PRKCA: variants seen among roughly 807,000 people sequenced by gnomAD.
PRKCA encodes protein kinase C alpha, also known as protein kinase C alpha type.
In PRKCA, 27 loss-of-function variants were observed where a neutral mutation model predicts 87.0. The observed-to-expected ratio is 0.31, with a 90% CI of 0.23 to 0.43. The LOEUF (loss-of-function observed/expected upper bound fraction) is 0.43, where lower values mean the gene tolerates loss of function less well. Ranked by LOEUF, PRKCA falls within the 20% of genes least tolerant of loss-of-function variation. The pLI, the probability that PRKCA is intolerant of heterozygous loss-of-function variation, is 1.00. For synonymous variants in PRKCA, 329 were observed against 311.1 expected (o/e 1.06, Z -0.61); for missense variants, 518 against 852.3 (o/e 0.61, Z 4.88).
intron 3 of PRKCA, among the ~76,000 whole-genome samples, chr17:66,529,291 G>A (rs757113986): frequency 6.6e-6 from 1 of 152,208 alleles, no homozygotes; most frequent in Non-Finnish European, 1.5e-5. Context: ...CGATTTCCAA[G>A]TTATAAGACG....
chr17:66,563,664 T>C (rs777935027), intron 3 of PRKCA, among the ~76,000 whole-genome samples: 20 of 152,208 alleles, frequency 1.3e-4, no homozygotes, highest in Non-Finnish European at 2.4e-4. Flanking sequence ...CCACAAAATA[T>C]CTCATTCTTT....
intron 3 of PRKCA, among the ~76,000 whole-genome samples, chr17:66,624,447 G>T (rs1336228076): frequency 6.6e-6 from 1 of 152,164 alleles, no homozygotes; most frequent in Non-Finnish European, 1.5e-5. Context: ...TGGGCAGAGG[G>T]TTCTAAATTT....
chr17:66,325,394 G>A (rs954866396), intron 2 of PRKCA, among the ~76,000 whole-genome samples: 1 of 152,150 alleles, frequency 6.6e-6, no homozygotes, highest in African/African-American at 2.4e-5. Flanking sequence ...GTCACGTATT[G>A]CTTTCATGGT....
chr17:66,641,379 A>G lies in PRKCA; in HGVS notation c.313A>G (p.Lys105Glu), dbSNP rs1355069162. Residue 105 changes from lysine (K) to glutamate (E), a missense_variant, in exon 4 of 17, where the codon AAA (lysine) becomes GAA (glutamate). By Grantham distance (56) the Lys-to-Glu change is moderately conservative (BLOSUM62 1). Transcript: ENST00000413366. ...TDDPRSKHKF[K>E]IHTYGSPTFC... ...GGACCCCAGGAGCAAGCACAAGTTC[A>G]AAATCCACACTTACGGAAGCCCCAC... 6.2e-7 allele frequency: 1 copy of G among 1,612,770 alleles called. No individual in the cohort carries two copies. Among genetic ancestry groups the G allele is most frequent in the Non-Finnish European group, 8.5e-7 (1 of 1,179,298 alleles).
At chr17:66,462,723 C>G (rs963221175) in intron 2 of PRKCA, among the ~76,000 whole-genome samples, 4 of 152,100 alleles carry the variant, frequency 2.6e-5, no homozygotes, top group African/African-American at 9.7e-5. Context: ...CACGAACACC[C>G]CTACCTCCCA....
intron 3 of PRKCA, among the ~76,000 whole-genome samples, chr17:66,622,580 G>A (rs1970717466): frequency 6.6e-6 from 1 of 152,192 alleles, no homozygotes; most frequent in Non-Finnish European, 1.5e-5. Context: ...AGATATTAGA[G>A]TAACACTTGT....
chr17:66,430,784 A>G (rs890378393), intron 2 of PRKCA, among the ~76,000 whole-genome samples: 4 of 152,176 alleles, frequency 2.6e-5, no homozygotes, highest in Non-Finnish European at 4.4e-5. Context: ...CTGGGGCACT[A>G]GGAAATGGCC....
In PRKCA at chr17:66,689,188, A is replaced by ATGAATGTT; in HGVS notation, c.918+142_918+149dup. ...ATGATCTTTTTCTTTATTTAAAAAC[A>ATGAATGTT]TGAATGTTGTTCGTTCCCTTTCCTT... On this transcript the variant is annotated intron_variant, in intron 8 of 16. Coordinates refer to ENST00000413366, the MANE Select transcript of PRKCA (RefSeq NM_002737.3). This position sits in a 1 kb window ranked among gnomAD's most constrained non-coding sequence, Gnocchi z 4.1. 2 of 577,892 alleles carry ATGAATGTT rather than the reference A, an allele frequency of 3.5e-6. No individual in the cohort carries two copies. Among genetic ancestry groups the ATGAATGTT allele is most frequent in the Non-Finnish European group, 6.1e-6 (2 of 329,462 alleles). 35.8% of individuals were successfully genotyped at this position (577,892 alleles called of 1,614,324 possible).
intron 13 of PRKCA, among the ~76,000 whole-genome samples, chr17:66,746,246 G>T (rs1316919940): frequency 7.0e-6 from 1 of 142,218 alleles, no homozygotes; most frequent in East Asian, 2.1e-4. Flanking sequence ...TCAACTTCCT[G>T]GGCTCAGGGG....
chr17:66,557,408 C>T lies in PRKCA; in HGVS notation c.288+61125C>T, dbSNP rs369901457. ...ATTTCTTAGACATATCACTCATGATCCCACAGTTGCTCTTTGAATGGGTGC... is the reference window on the plus strand; with the variant it reads ...ATTTCTTAGACATATCACTCATGATTCCACAGTTGCTCTTTGAATGGGTGC... On this transcript the variant is annotated intron_variant, in intron 3 of 16. Coordinates refer to ENST00000413366, the MANE Select transcript of PRKCA (RefSeq NM_002737.3). Among the ~76,000 whole-genome samples the T allele has an allele frequency of 1.8e-4, 27 of 151,808 alleles. No homozygotes were observed. In the East Asian group the frequency reaches 2.7e-3, roughly 15 times the overall value.
chr17:66,325,484 A>G (rs1170237951), intron 2 of PRKCA, among the ~76,000 whole-genome samples: 2 of 152,154 alleles, frequency 1.3e-5, no homozygotes, highest in African/African-American at 4.8e-5. Flanking sequence ...ACAGGAAATA[A>G]CAAAATACTA....
At chr17:66,553,182 G>A (rs185844595) in intron 3 of PRKCA, among the ~76,000 whole-genome samples, 4 of 151,804 alleles carry the variant, frequency 2.6e-5, no homozygotes, top group African/African-American at 7.3e-5. Context: ...GGGTTTTGCC[G>A]TGTTGCCCAG....
At chr17:66,307,714 C>T (rs1022998110) in intron 2 of PRKCA, among the ~76,000 whole-genome samples, 2 of 152,078 alleles carry the variant, frequency 1.3e-5, no homozygotes, top group East Asian at 3.9e-4. Context: ...ATGATTTCCC[C>T]CAGAGCATCT....
chr17:66,777,572 T>A, intron 14 of PRKCA: 11 of 984,984 alleles, frequency 1.1e-5, no homozygotes, highest in Non-Finnish European at 1.3e-5. Context: ...TTCCCCCTCT[T>A]TAAAATTTTT....
At chr17:66,545,294 TGGCG>T (rs1968114505) in intron 3 of PRKCA, among the ~76,000 whole-genome samples, 1 of 152,148 alleles carries the variant, frequency 6.6e-6, no homozygotes, top group African/African-American at 2.4e-5. Flanking sequence ...CCAGGCGTGG[TGGCG>T]GGTGCCTGTA....
At chr17:66,629,072 GA>G (rs1970935038) in intron 3 of PRKCA, among the ~76,000 whole-genome samples, 1 of 152,154 alleles carries the variant, frequency 6.6e-6, no homozygotes, top group South Asian at 2.1e-4. Flanking sequence ...ACGTGGGTAA[GA>G]GGGGTTGCTG....
At chr17:66,441,162 CAA>C (rs199828612) in intron 2 of PRKCA, among the ~76,000 whole-genome samples, 239 of 107,188 alleles carry the variant, frequency 2.2e-3, no homozygotes, top group Middle Eastern at 4.6e-3. Flanking sequence ...ACTCTGTCTC[CAA>C]AAAAAAAAAA....
chr17:66,356,210 TA>T (rs111481595), intron 2 of PRKCA, among the ~76,000 whole-genome samples: 3 of 152,204 alleles, frequency 2.0e-5, no homozygotes, highest in Admixed American at 1.3e-4. Flanking sequence ...TGATTTTTTT[TA>T]AATCTAGTTT....
chr17:66,580,582 G>A (rs1003474838), intron 3 of PRKCA, among the ~76,000 whole-genome samples: 3 of 152,160 alleles, frequency 2.0e-5, no homozygotes, highest in Admixed American at 6.5e-5. Flanking sequence ...CAGCTTCCCC[G>A]TAGCTAAACA....
Sources: gnomAD v4.1 joint callset for allele counts (sites outside exome capture counted in the v4.1 genomes callset) on GRCh38, gnomAD v4.1.1 for gene constraint, Gnocchi (gnomAD v3.1) non-coding constraint, MANE v1.5 for transcripts, NCBI Gene and HGNC (gene_info 2026-07-23, HGNC 2026-07-21) for gene names.